Variants in ZMIZ1 observed in about 807,000 individuals in gnomAD.
The protein encoded by ZMIZ1 is zinc finger MIZ-type containing 1, also known as zinc finger MIZ domain-containing protein 1.
ZMIZ1 carries 17 observed loss-of-function variants against 113.9 expected under a neutral mutation model. That is an observed-to-expected ratio of 0.15 (90% CI 0.10 to 0.22). ZMIZ1 has a LOEUF of 0.22. Among genes scored for constraint, ZMIZ1 ranks in the 10% least tolerant of loss-of-function variants. The probability of loss-of-function intolerance (pLI) is 1.00; values close to 1 mark genes in which losing one functional copy is unlikely to be tolerated. For missense variants in ZMIZ1, 1,059 were observed against 1,477.8 expected (o/e 0.72, Z 4.65); for synonymous variants, 607 against 603.1 (o/e 1.01, Z -0.09).
chr10:79,119,060 C>A (rs1012939603), intron 2 of ZMIZ1, 36 bp downstream of exon 2: 1 of 152,396 alleles, frequency 6.6e-6, no homozygotes, highest in Admixed American at 6.5e-5. Flanking sequence ...GTGCTGTGCA[C>A]CTGCTGACGT....
rs1315504991 is a variant in ZMIZ1 at position 79,298,457 on chromosome 10, A to C, written c.1543A>C (p.Asn515His). The C allele has an allele frequency of 6.2e-7, 1 of 1,607,644 alleles. No individual in the cohort carries two copies. The highest frequency in any genetic ancestry group is 1.3e-5 in the African/African-American group (1 of 74,330). Reference protein sequence around the residue: ...ANYPHSPVPGNPTPPMTPGSS... With the variant: ...ANYPHSPVPGHPTPPMTPGSS... Reference sequence around the variant, plus strand: ...TTACCCCCACTCACCTGTTCCAGGGAACCCCACACCCCCCATGACCCCTGG... The same window carrying C: ...TTACCCCCACTCACCTGTTCCAGGGCACCCCACACCCCCCATGACCCCTGG... Residue 515 changes from asparagine (N) to histidine (H), a missense_variant, in exon 15 of 25, where the codon AAC becomes CAC. This residue lies in a region of ZMIZ1 where 239 missense variants were observed against 247.5 expected (regional missense o/e 0.97). Coordinates refer to ENST00000334512, the MANE Select transcript of ZMIZ1 (RefSeq NM_020338.4).
chr10:79,223,960 G>C (rs1400809574), intron 7 of ZMIZ1, among the ~76,000 whole-genome samples: 1 of 152,204 alleles, frequency 6.6e-6, no homozygotes, highest in Admixed American at 6.5e-5. Flanking sequence ...GATGGTCCCT[G>C]GGGTTCCAGG....
At chr10:79,131,754 G>A (rs1199806139) in intron 2 of ZMIZ1, among the ~76,000 whole-genome samples, 1 of 152,194 alleles carries the variant, frequency 6.6e-6, no homozygotes, top group Non-Finnish European at 1.5e-5. Context: ...GAGACCCTCT[G>A]TGCTGGCCAG....
At chr10:79,308,337 A>G (rs1854875370) in intron 23 of ZMIZ1, among the ~76,000 whole-genome samples, 1 of 152,228 alleles carries the variant, frequency 6.6e-6, no homozygotes, top group Admixed American at 6.5e-5. Context: ...GCGTGGGTGC[A>G]GGAAGAACAG....
intron 2 of ZMIZ1, among the ~76,000 whole-genome samples, chr10:79,131,095 AG>A (rs1844745887): frequency 6.6e-6 from 1 of 152,096 alleles, no homozygotes; most frequent in Non-Finnish European, 1.5e-5. Flanking sequence ...TATGGCCAGG[AG>A]TTCTTCCCAT....
intron 4 of ZMIZ1, among the ~76,000 whole-genome samples, chr10:79,170,849 C>T (rs891342534): frequency 3.3e-5 from 5 of 152,166 alleles, no homozygotes; most frequent in Non-Finnish European, 4.4e-5. Context: ...CCAACCCATG[C>T]GGCCCACCAT....
chr10:79,300,235 T>C (rs888957272), intron 16 of ZMIZ1, among the ~76,000 whole-genome samples: 9 of 152,186 alleles, frequency 5.9e-5, no homozygotes, highest in African/African-American at 1.9e-4. Flanking sequence ...GGCTTGCTTG[T>C]CACACATATA....
intron 7 of ZMIZ1, among the ~76,000 whole-genome samples, chr10:79,269,793 G>A (rs1851840507): frequency 6.6e-6 from 1 of 152,188 alleles, no homozygotes; most frequent in Admixed American, 6.5e-5. Context: ...CTTTCCCTAT[G>A]GCTGCTGTGG....
At chr10:79,168,687 C>T (rs986168248) in intron 4 of ZMIZ1, among the ~76,000 whole-genome samples, 5 of 152,204 alleles carry the variant, frequency 3.3e-5, no homozygotes, top group Admixed American at 1.3e-4. Flanking sequence ...TGCTGTGCAT[C>T]GTGTGGCGCA....
In ZMIZ1 at chr10:79,301,960, C is replaced by T. The variant is rs775193766; in HGVS notation, c.2020-147C>T. On this transcript the variant is annotated intron_variant, in intron 17 of 24. Transcript: ENST00000334512. ...GAGGCAGCCTTTCCAGAGTAGTGCT[C>T]AGGCTCGCAAGTCCCAGGAGACACC... 24 of 703,890 alleles carry T rather than the reference C, an allele frequency of 3.4e-5. 1 individual carries two copies. Among genetic ancestry groups the T allele is most frequent in the South Asian group, 1.8e-4 (11 of 59,968 alleles). 43.6% of individuals were successfully genotyped at this position (703,890 alleles called of 1,614,324 possible).
intron 2 of ZMIZ1, among the ~76,000 whole-genome samples, chr10:79,128,739 G>C (rs958823764): frequency 6.6e-6 from 1 of 152,184 alleles, no homozygotes; most frequent in African/African-American, 2.4e-5. Flanking sequence ...AGAGTGGCCT[G>C]TGTGTTTGTC....
At chr10:79,133,344 T>C (rs1245972635) in intron 2 of ZMIZ1, among the ~76,000 whole-genome samples, 1 of 152,210 alleles carries the variant, frequency 6.6e-6, no homozygotes, top group Non-Finnish European at 1.5e-5. Flanking sequence ...GTCTGGAACT[T>C]ATTCCCACTG....
At chr10:79,312,274 G>C (rs1192095361) in intron 24 of ZMIZ1, among the ~76,000 whole-genome samples, 2 of 152,256 alleles carry the variant, frequency 1.3e-5, no homozygotes, top group Non-Finnish European at 2.9e-5. Flanking sequence ...CCACCTCCTT[G>C]TGCTTACACG....
At position 79,263,551 on chromosome 10, in the gene ZMIZ1, GATGCCCT is replaced by G. The variant is rs1589517047; in HGVS notation, c.281-13628_281-13622del. 3.3e-5 allele frequency among the ~76,000 whole-genome samples: 5 copies of G among 152,224 alleles called. No individual in the cohort carries two copies. In the East Asian group the frequency reaches 9.6e-4, roughly 29 times the overall value. On this transcript the variant is annotated intron_variant, in intron 7 of 24. Transcript: ENST00000334512. Reference sequence around the variant, plus strand: ...GGGTGTTTTCTTTGTAATAAACAGTGATGCCCTAGGCTCACCACCTCCCCAAGGCTTA... The same window carrying G: ...GGGTGTTTTCTTTGTAATAAACAGTGAGGCTCACCACCTCCCCAAGGCTTA...
At chr10:79,230,392 G>A (rs1277849445) in intron 7 of ZMIZ1, among the ~76,000 whole-genome samples, 1 of 152,194 alleles carries the variant, frequency 6.6e-6, no homozygotes, top group Non-Finnish European at 1.5e-5. Flanking sequence ...CCCCAGAAAT[G>A]CCTGCTGTTG....
chr10:79,110,937 C>T (rs1301678732), intron 1 of ZMIZ1, among the ~76,000 whole-genome samples: 1 of 152,258 alleles, frequency 6.6e-6, no homozygotes. Context: ...GATATCAATA[C>T]ATCATCTGTC....
intron 4 of ZMIZ1, among the ~76,000 whole-genome samples, chr10:79,178,446 C>A (rs1249712796): frequency 6.6e-6 from 1 of 152,210 alleles, no homozygotes; most frequent in African/African-American, 2.4e-5. Context: ...TTTTAACCTG[C>A]AAGCCCATCC....
At chr10:79,144,986 C>A (rs376340799) in intron 3 of ZMIZ1, among the ~76,000 whole-genome samples, 15 of 151,834 alleles carry the variant, frequency 9.9e-5, no homozygotes, top group African/African-American at 3.4e-4. Flanking sequence ...CCTCGCCATC[C>A]CTCCATCTAT....
chr10:79,165,980 G>GTT (rs1846322003), intron 4 of ZMIZ1, among the ~76,000 whole-genome samples: 1 of 149,928 alleles, frequency 6.7e-6, no homozygotes, highest in Non-Finnish European at 1.5e-5. Flanking sequence ...GTGTGTGTGT[G>GTT]TGTGTGTGTG....
Sources: gnomAD v4.1 joint callset for allele counts (sites outside exome capture counted in the v4.1 genomes callset) on GRCh38, gnomAD v4.1.1 for gene constraint, gnomAD v4.1.1 regional missense constraint, MANE v1.5 for transcripts, NCBI Gene and HGNC (gene_info 2026-07-23, HGNC 2026-07-21) for gene names.